Variants in ARHGEF7 observed in about 807,000 individuals in gnomAD.
ARHGEF7 encodes the protein PAK-interacting exchange factor beta.
ARHGEF7 carries 33 observed loss-of-function variants against 109.8 expected under a neutral mutation model. The observed-to-expected ratio is 0.30, with a 90% CI of 0.23 to 0.40. The LOEUF is 0.40. ARHGEF7 is among the 10% of genes least tolerant of loss of function. The pLI, the probability that ARHGEF7 is intolerant of heterozygous loss-of-function variation, is 1.00. For synonymous variants in ARHGEF7, 458 were observed against 424.6 expected, an observed-to-expected ratio of 1.08 and a Z score of -0.97; for missense variants, 938 against 1,098.5, an observed-to-expected ratio of 0.85 and a Z score of 2.07.
At chr13:111,217,572 A>G in intron 4 of ARHGEF7, 107 bp from the exon 5 acceptor site, 1 of 1,059,276 alleles carries the variant, frequency 9.4e-7, no homozygotes, top group South Asian at 1.5e-5. Flanking sequence ...ATGTATTTCT[A>G]CTGTTGGGCA....
chr13:111,274,637 G>T, intron 10 of ARHGEF7, 94 bp from the exon 11 acceptor site: 1 of 607,756 alleles, frequency 1.6e-6, no homozygotes. Context: ...GGGTTGAAAA[G>T]TGTTAGAAAA....
chr13:111,240,700 C>T (rs145934401), intron 6 of ARHGEF7, among the ~76,000 whole-genome samples: 2 of 152,224 alleles, frequency 1.3e-5, no homozygotes, highest in East Asian at 3.9e-4. Flanking sequence ...TAGCAGTGGA[C>T]AGGGAAGGGC....
intron 2 of ARHGEF7, among the ~76,000 whole-genome samples, chr13:111,196,617 C>T (rs753343992): frequency 1.3e-4 from 20 of 152,082 alleles, no homozygotes; most frequent in African/African-American, 2.4e-4. Context: ...GGGACATAAC[C>T]GATAGCCCGG....
rs1282640852 is a variant in ARHGEF7, at chr13:111,167,945, GACAC to G, written c.252+13955_252+13958del. On this transcript the variant is annotated intron_variant, in intron 2 of 21. Transcript: ENST00000646102. Reference sequence around the variant, plus strand: ...CACCAGAGCCACCCCTTCCTCACAGGACACTTGAACAGTAAAACTGAACCTTCTT... The same window carrying G: ...CACCAGAGCCACCCCTTCCTCACAGGTTGAACAGTAAAACTGAACCTTCTT... Among the ~76,000 whole-genome samples, 422 of 152,326 alleles carry G rather than the reference GACAC, an allele frequency of 2.8e-3. 2 individuals carry two copies. Among genetic ancestry groups the G allele is most frequent in the African/African-American group, 8.9e-3 (372 of 41,574 alleles).
At chr13:111,129,555 C>T (rs2074630215) in intron 1 of ARHGEF7, among the ~76,000 whole-genome samples, 1 of 152,042 alleles carries the variant, frequency 6.6e-6, no homozygotes, top group African/African-American at 2.4e-5. Context: ...TAAAAATGGG[C>T]AAATGGTTTG....
intron 1 of ARHGEF7, among the ~76,000 whole-genome samples, chr13:111,125,296 A>G (rs2067483210): frequency 6.6e-6 from 1 of 152,014 alleles, no homozygotes; most frequent in Admixed American, 6.6e-5. Context: ...ACTAGAGAAA[A>G]CAAAACTGGA....
chr13:111,293,486 A>C, intron 19 of ARHGEF7: 1 of 984,504 alleles, frequency 1.0e-6, no homozygotes, highest in Non-Finnish European at 1.2e-6. Flanking sequence ...TGTTGTAAGG[A>C]GTTTTCACTG....
At chr13:111,117,978 A>G (rs1274057099) in intron 1 of ARHGEF7, among the ~76,000 whole-genome samples, 1 of 152,250 alleles carries the variant, frequency 6.6e-6, no homozygotes. Context: ...TTTTTTCCTT[A>G]AAAAGAAGCA....
intron 6 of ARHGEF7, among the ~76,000 whole-genome samples, chr13:111,242,320 C>T (rs992015628): frequency 1.3e-5 from 2 of 152,118 alleles, no homozygotes; most frequent in Non-Finnish European, 2.9e-5. Flanking sequence ...AGTAGGCAAA[C>T]AGAGTAACGA....
chr13:111,261,746 T>TA (rs1053817420), intron 8 of ARHGEF7, among the ~76,000 whole-genome samples: 1 of 152,184 alleles, frequency 6.6e-6, no homozygotes, highest in East Asian at 1.9e-4. Flanking sequence ...ATTCATCTCT[T>TA]AAAAAAATAT....
chr13:111,194,392 C>T lies in ARHGEF7; in HGVS notation c.253-10897C>T, dbSNP rs115761318. ...AGAGTATGGAGGGGCCTGGCTATCT[C>T]GCTGTATCCGGCAGTCCATAGTTGG... On this transcript the variant is annotated intron_variant, in intron 2 of 21. Transcript: ENST00000646102. 3.3e-3 allele frequency among the ~76,000 whole-genome samples: 499 copies of T among 152,252 alleles called. 1 individual carries two copies. Among genetic ancestry groups the T allele is most frequent in the African/African-American group, 0.011 (477 of 41,534 alleles).
chr13:111,205,780 C>T (rs1269719711), intron 3 of ARHGEF7, among the ~76,000 whole-genome samples: 1 of 152,170 alleles, frequency 6.6e-6, no homozygotes, highest in East Asian at 1.9e-4. Context: ...GGGAGTGGCT[C>T]GTGGATTGGC....
At chr13:111,267,275 C>T (rs891033990) in intron 8 of ARHGEF7, among the ~76,000 whole-genome samples, 2 of 152,236 alleles carry the variant, frequency 1.3e-5, no homozygotes, top group Non-Finnish European at 2.9e-5. Flanking sequence ...GTTTTTCTCA[C>T]TGCCCAAAGA....
intron 2 of ARHGEF7, among the ~76,000 whole-genome samples, chr13:111,190,569 A>G (rs1457994714): frequency 2.0e-5 from 3 of 152,220 alleles, no homozygotes; most frequent in Non-Finnish European, 4.4e-5. Context: ...GTGTGGTAGT[A>G]GGATAATGAA....
intron 2 of ARHGEF7, chr13:111,203,113 T>G: frequency 7.8e-7 from 1 of 1,280,486 alleles, no homozygotes; most frequent in Non-Finnish European, 1.0e-6. Flanking sequence ...CTTGCCACTA[T>G]GAAGGTTAGT....
intron 7 of ARHGEF7, 50 bp downstream of exon 7, chr13:111,244,016 G>T: frequency 6.9e-7 from 1 of 1,447,476 alleles, no homozygotes; most frequent in South Asian, 1.2e-5. Flanking sequence ...TAAACCTTAG[G>T]CTGTTCTCTT....
intron 1 of ARHGEF7, among the ~76,000 whole-genome samples, chr13:111,132,572 T>C (rs542315170): frequency 3.3e-5 from 5 of 152,044 alleles, no homozygotes; most frequent in Non-Finnish European, 5.9e-5. Context: ...ATGAATACAC[T>C]TGTGTCTCTC....
At chr13:111,263,128 T>C (rs1414641858) in intron 8 of ARHGEF7, among the ~76,000 whole-genome samples, 1 of 152,228 alleles carries the variant, frequency 6.6e-6, no homozygotes, top group Non-Finnish European at 1.5e-5. Context: ...TTCAGGTGTC[T>C]AGGCAGCGTT....
chr13:111,283,631 G>T (rs138365120), intron 16 of ARHGEF7, among the ~76,000 whole-genome samples: 89 of 152,286 alleles, frequency 5.8e-4, no homozygotes, highest in African/African-American at 2.0e-3. Flanking sequence ...GGAGTGTGCC[G>T]CCAGGGGCCA....
Sources: allele counts gnomAD v4.1 joint callset (sites outside exome capture counted in the v4.1 genomes callset), GRCh38; gene constraint gnomAD v4.1.1; transcripts MANE v1.5; gene names NCBI Gene and HGNC (gene_info 2026-07-23, HGNC 2026-07-21).